The following LAMA2 variants were observed in gnomAD, a reference collection of about 807,000 sequenced individuals.
LAMA2 encodes laminin subunit alpha 2, also known as laminin subunit alpha-2.
A neutral mutation model predicts 364.8 loss-of-function variants in LAMA2; 269 were observed. That is an observed-to-expected ratio of 0.74 (90% CI 0.67 to 0.82). LAMA2 has a LOEUF of 0.82. Ranked by LOEUF, LAMA2 falls within the 40% of genes least tolerant of loss-of-function variation. LAMA2 has a pLI of 0.00. For synonymous variants in LAMA2, 1,379 were observed against 1,370.6 expected (o/e 1.01, Z -0.14); for missense variants, 3,807 against 3,873.2 (o/e 0.98, Z 0.45).
At chr6:129,354,877 T>C (rs1777064434) in intron 32 of LAMA2, among the ~76,000 whole-genome samples, 1 of 152,210 alleles carries the variant, frequency 6.6e-6, no homozygotes, top group Non-Finnish European at 1.5e-5. Context: ...TCGTAATTCA[T>C]CTTTTCCCTA....
chr6:129,441,517 C>T (rs1192673681), intron 43 of LAMA2, among the ~76,000 whole-genome samples: 2 of 151,872 alleles, frequency 1.3e-5, no homozygotes, highest in Non-Finnish European at 2.9e-5. Flanking sequence ...AAGCATTTAT[C>T]TAGTTTCTAA....
At chr6:129,183,719 C>T (rs973238974) in intron 10 of LAMA2, among the ~76,000 whole-genome samples, 2 of 151,858 alleles carry the variant, frequency 1.3e-5, no homozygotes, top group African/African-American at 4.8e-5. Flanking sequence ...GAAAGCTGCC[C>T]CTGCATCCTC....
At chr6:128,936,785 G>A (rs1301801930) in intron 1 of LAMA2, among the ~76,000 whole-genome samples, 3 of 152,122 alleles carry the variant, frequency 2.0e-5, no homozygotes, top group East Asian at 3.8e-4. Flanking sequence ...TATGGTGAAC[G>A]ACATAGGCAT....
At position 129,505,180 on chromosome 6, in the gene LAMA2, G is replaced by T; in HGVS notation, c.8548-20G>T. On this transcript the variant is annotated intron_variant, in intron 60 of 64. Coordinates refer to ENST00000421865, the MANE Select transcript of LAMA2 (RefSeq NM_000426.4). ...AAATTTGTTCAGGATTGGCATTAAT[G>T]ACTCCTTTCTTTTTTGTAGATTAAG... 6.2e-7 allele frequency: 1 copy of T among 1,609,458 alleles called. No homozygotes were observed. The highest frequency in any genetic ancestry group is 1.1e-5 in the South Asian group (1 of 90,942).
At chr6:129,122,086 G>A (rs1260620015) in intron 4 of LAMA2, among the ~76,000 whole-genome samples, 3 of 152,128 alleles carry the variant, frequency 2.0e-5, no homozygotes, top group Non-Finnish European at 4.4e-5. Flanking sequence ...AAACTTTCAA[G>A]TTTTTTAAAC....
chr6:129,191,991 T>C (rs1460596715), intron 11 of LAMA2, among the ~76,000 whole-genome samples: 1 of 152,198 alleles, frequency 6.6e-6, no homozygotes, highest in East Asian at 1.9e-4. Context: ...ATTCCTCCTT[T>C]AAGGTTCCTT....
chr6:129,380,473 T>C (rs114822789), intron 34 of LAMA2, among the ~76,000 whole-genome samples: 1,688 of 151,794 alleles, frequency 0.011, 25 homozygotes, highest in African/African-American at 0.038. Context: ...GTTGGAGAGG[T>C]TGTCAATAAA....
chr6:129,128,622 C>A lies in LAMA2; in HGVS notation c.640-15279C>A, dbSNP rs185875415. 8.5e-5 allele frequency among the ~76,000 whole-genome samples: 13 copies of A among 152,316 alleles called. No homozygotes were observed. In the East Asian group the frequency reaches 2.5e-3, roughly 29 times the overall value. On this transcript the variant is annotated intron_variant, in intron 4 of 64. Transcript: ENST00000421865. ...TTTAACAATATTAAATTCTTCCAAT[C>A]CATGAACACAGGATATCTTTCCATT...
At chr6:128,893,146 G>T (rs753247722) in intron 1 of LAMA2, among the ~76,000 whole-genome samples, 3 of 151,742 alleles carry the variant, frequency 2.0e-5, no homozygotes, top group Non-Finnish European at 4.4e-5. Context: ...CTTAAACATG[G>T]ATAAGTCACT....
At chr6:129,016,571 T>C (rs1186084093) in intron 1 of LAMA2, among the ~76,000 whole-genome samples, 1 of 151,882 alleles carries the variant, frequency 6.6e-6, no homozygotes, top group African/African-American at 2.4e-5. Flanking sequence ...GAAAAGAAAT[T>C]AGACATAAAA....
At chr6:129,052,224 C>G (rs1232467004) in intron 2 of LAMA2, among the ~76,000 whole-genome samples, 2 of 150,788 alleles carry the variant, frequency 1.3e-5, no homozygotes, top group Non-Finnish European at 2.9e-5. Context: ...CAAGCTCCGC[C>G]TCCCGGGTTC....
intron 40 of LAMA2, among the ~76,000 whole-genome samples, chr6:129,425,041 T>C (rs1279215712): frequency 6.6e-6 from 1 of 152,018 alleles, no homozygotes; most frequent in Non-Finnish European, 1.5e-5. Context: ...TGCAGAATGT[T>C]TCCATTTGTA....
intron 41 of LAMA2, among the ~76,000 whole-genome samples, chr6:129,430,918 G>A (rs1002679098): frequency 9.2e-5 from 14 of 152,008 alleles, no homozygotes; most frequent in Admixed American, 9.2e-4. Flanking sequence ...ATTTTCTCAT[G>A]GAATGTGTAC....
chr6:128,905,198 G>T (rs1458211825), intron 1 of LAMA2, among the ~76,000 whole-genome samples: 3 of 152,096 alleles, frequency 2.0e-5, no homozygotes, highest in Admixed American at 6.5e-5. Flanking sequence ...AATCTTTGGG[G>T]TAACTTCTAC....
chr6:129,045,690 A>C (rs192555521), intron 1 of LAMA2, among the ~76,000 whole-genome samples: 3 of 152,314 alleles, frequency 2.0e-5, no homozygotes, highest in Admixed American at 2.0e-4. Context: ...ATTATGTGGG[A>C]TAATTGGTAC....
chr6:129,457,642 T>C (rs1783038766), intron 48 of LAMA2, among the ~76,000 whole-genome samples: 1 of 152,124 alleles, frequency 6.6e-6, no homozygotes, highest in East Asian at 1.9e-4. Flanking sequence ...CTCAGTAATT[T>C]ACATGAATTA....
chr6:129,192,832 G>A lies in LAMA2; in HGVS notation c.1761G>A (p.Pro587=), dbSNP rs1432134849. ...ALPHSYYWSA[P]APYLGNKLPA... The stretch of plus-strand genomic sequence containing the variant: ...CGCACAGCTACTACTGGAGCGCGCC[G>A]GCTCCCTATCTGGGAAACAAAGTAA... Residue 587 remains proline (P), a synonymous_variant, in exon 12 of 65, where the codon CCG becomes CCA. Transcript: ENST00000421865. 7 of 1,613,998 alleles carry A rather than the reference G, an allele frequency of 4.3e-6. No individual in the cohort carries two copies. The highest frequency in any genetic ancestry group is 1.1e-5 in the South Asian group (1 of 91,068).
chr6:128,917,368 C>A (rs1165268849), intron 1 of LAMA2, among the ~76,000 whole-genome samples: 4 of 152,186 alleles, frequency 2.6e-5, no homozygotes, highest in African/African-American at 9.6e-5. Flanking sequence ...GTGTATTCTG[C>A]ATTCTCAATT....
chr6:129,099,251 A>G (rs1042783291), intron 4 of LAMA2, among the ~76,000 whole-genome samples: 8 of 151,664 alleles, frequency 5.3e-5, no homozygotes, highest in Admixed American at 3.9e-4. Context: ...ATAATTGTCA[A>G]GAGGATTAAA....
Sources: allele counts gnomAD v4.1 joint callset (sites outside exome capture counted in the v4.1 genomes callset), GRCh38; gene constraint gnomAD v4.1.1; transcripts MANE v1.5; gene names NCBI Gene and HGNC (gene_info 2026-07-23, HGNC 2026-07-21).